Variants in APP observed in about 807,000 individuals in gnomAD.
The protein encoded by APP is amyloid beta precursor protein.
In APP, 31 loss-of-function variants were observed where a neutral mutation model predicts 101.4. The observed-to-expected ratio is 0.31, with a 90% CI of 0.23 to 0.41. The LOEUF (loss-of-function observed/expected upper bound fraction) is 0.41, where lower values mean the gene tolerates loss of function less well. APP is among the 10% of genes least tolerant of loss of function. APP has a pLI of 1.00. For missense variants in APP, 839 were observed against 1,003.7 expected, an observed-to-expected ratio of 0.84 and a Z score of 2.22; for synonymous variants, 366 against 364.4, an observed-to-expected ratio of 1.00 and a Z score of -0.05.
intron 3 of APP, among the ~76,000 whole-genome samples, chr21:26,057,134 T>G (rs2145979250): frequency 6.6e-6 from 1 of 152,324 alleles, no homozygotes; most frequent in Middle Eastern, 3.4e-3. Context: ...AAAAACAAAG[T>G]TTATTAATTT....
intron 11 of APP, among the ~76,000 whole-genome samples, chr21:25,973,981 G>A (rs67862623): frequency 0.23 from 33,944 of 145,556 alleles, 4,263 homozygotes; most frequent in East Asian, 0.43. Context: ...GTGGACATAA[G>A]TTACACACTC....
At chr21:25,928,204 A>G (rs568381038) in intron 13 of APP, among the ~76,000 whole-genome samples, 385 of 982 alleles carry the variant, frequency 0.39, 1 homozygote, top group Admixed American at 0.46. Flanking sequence ...TTAGCCGGGC[A>G]TGGTGCAGGC....
intron 2 of APP, among the ~76,000 whole-genome samples, chr21:26,105,034 T>C (rs2062148474): frequency 7.2e-6 from 1 of 138,474 alleles, no homozygotes; most frequent in Non-Finnish European, 1.5e-5. Context: ...AGTAGCTCTG[T>C]CAATGGTAAC....
Position 25,891,702 on chromosome 21 carries a change from A to C in APP, c.2211+20T>G. ...ATAGTCTTAATTCCCACTTGGAAACATGCAGTCAAGTTTACCTACCTCCAC... is the reference window on the plus strand; with the variant it reads ...ATAGTCTTAATTCCCACTTGGAAACCTGCAGTCAAGTTTACCTACCTCCAC... On this transcript the variant is annotated intron_variant, in intron 17 of 17. Transcript: ENST00000346798. 1 of 1,612,752 alleles carries C rather than the reference A, an allele frequency of 6.2e-7. No homozygotes were observed. The highest frequency in any genetic ancestry group is 8.5e-7 in the Non-Finnish European group (1 of 1,178,684).
chr21:25,984,845 T>C (rs2042578265), intron 8 of APP, among the ~76,000 whole-genome samples: 1 of 152,200 alleles, frequency 6.6e-6, no homozygotes, highest in South Asian at 2.1e-4. Flanking sequence ...ATTTTATGTT[T>C]GAAACAAATG....
chr21:26,095,178 T>C (rs1324297779), intron 2 of APP, among the ~76,000 whole-genome samples: 1 of 152,106 alleles, frequency 6.6e-6, no homozygotes, highest in African/African-American at 2.4e-5. Context: ...AGGGTCATCC[T>C]ATGTTGCCCA....
At chr21:25,991,536 C>T (rs2042864965) in intron 8 of APP, among the ~76,000 whole-genome samples, 1 of 152,152 alleles carries the variant, frequency 6.6e-6, no homozygotes, top group African/African-American at 2.4e-5. Flanking sequence ...CATCACCACG[C>T]CCAGCTAGTT....
intron 1 of APP, among the ~76,000 whole-genome samples, chr21:26,144,759 A>C (rs467021): frequency 0.61 from 93,039 of 152,072 alleles, 31,062 homozygotes; most frequent in African/African-American, 0.89. Flanking sequence ...GAGAATTCCA[A>C]AGATAGCATT....
In APP at chr21:26,170,721, C is replaced by A. The variant is rs2063729531; in HGVS notation, c.-101G>T. 5 of 1,246,066 alleles carry A rather than the reference C, an allele frequency of 4.0e-6. No homozygotes were observed. Among genetic ancestry groups the A allele is most frequent in the East Asian group, 3.0e-5 (1 of 32,796 alleles). The allele number at this position is 1,246,066 out of a possible 1,614,324, so 77.2% of individuals were successfully genotyped here. ...CACCGCCGCCGTCTCCCGGGGCCCC[C>A]GCGCACGCTCCTCCGCGTGCTCTCG... On this transcript the variant is annotated 5_prime_UTR_variant, in exon 1 of 18. Transcript: ENST00000346798.
intron 6 of APP, among the ~76,000 whole-genome samples, chr21:26,019,550 A>C (rs2044243739): frequency 6.6e-6 from 1 of 152,206 alleles, no homozygotes; most frequent in Non-Finnish European, 1.5e-5. Context: ...ATTTCCTAAG[A>C]GATTTTAACA....
Position 25,911,760 on chromosome 21 carries a change from T to G in APP, c.1890A>C (p.Pro630=). 6.2e-7 allele frequency: 1 copy of G among 1,614,140 alleles called. No homozygotes were observed. ...TCTTACCTTCGTTTTCTGTGTTGGC[T>G]GGCACAGAGTCAGCCCCAAAAGAAT... ...PWHSFGADSV[P]ANTENEVEPV... The change falls in exon 14 of 18, where the codon CCA becomes CCC. Residue 630 remains proline (P), a synonymous_variant. Transcript: ENST00000346798.
intron 6 of APP, among the ~76,000 whole-genome samples, chr21:26,003,199 C>A (rs1434611097): frequency 3.3e-5 from 5 of 152,224 alleles, no homozygotes; most frequent in Non-Finnish European, 7.3e-5. Flanking sequence ...GAGCCCTAAT[C>A]AACTAGAACA....
At chr21:25,894,930 T>C (rs1731518088) in intron 16 of APP, among the ~76,000 whole-genome samples, 1 of 152,172 alleles carries the variant, frequency 6.6e-6, no homozygotes, top group East Asian at 1.9e-4. Flanking sequence ...TGTCTTATTT[T>C]AGGAAATTGC....
chr21:26,089,807 C>T (rs975473106), intron 3 of APP, 136 bp downstream of exon 3: 25 of 1,374,692 alleles, frequency 1.8e-5, no homozygotes, highest in Non-Finnish European at 2.3e-5. Context: ...CTGCAAGAGT[C>T]CAAAACACAG....
chr21:26,014,299 T>C (rs1283139285), intron 6 of APP, among the ~76,000 whole-genome samples: 1 of 152,236 alleles, frequency 6.6e-6, no homozygotes, highest in Admixed American at 6.5e-5. Context: ...AATTATAGGA[T>C]ACCTTGTAAG....
chr21:25,914,546 C>A (rs1301303673), intron 13 of APP, among the ~76,000 whole-genome samples: 2 of 142,184 alleles, frequency 1.4e-5, no homozygotes, highest in African/African-American at 2.7e-5. Context: ...AGCCACAAGG[C>A]GCCTTTTTTT....
chr21:25,997,381 G>A lies in APP; in HGVS notation c.1069C>T (p.Leu357Phe), dbSNP rs1236812256. ...GTACGTTTAACAGGATCTCGGGCAA[G>A]AGGTTCCTGGGTAGTCTTGAGTAAA... ...QSLLKTTQEP[L>F]ARDPVKLPTT... The change falls in exon 8 of 18, where the codon CTT (leucine) becomes TTT (phenylalanine). Residue 357 changes from leucine (L) to phenylalanine (F), a missense_variant. Leu to Phe is a conservative substitution (Grantham distance 22). Transcript: ENST00000346798. The A allele has an allele frequency of 1.2e-6, 2 of 1,613,834 alleles. No individual in the cohort carries two copies. The highest frequency in any genetic ancestry group is 1.7e-6 in the Non-Finnish European group (2 of 1,179,856).
rs76062295 is a variant in APP, at chr21:25,976,259, C to T, written c.1225-231G>A. 5.9e-5 allele frequency among the ~76,000 whole-genome samples: 9 copies of T among 152,006 alleles called. No individual in the cohort carries two copies. The East Asian group carries it at 1.4e-3, about 23-fold the overall frequency. On this transcript the variant is annotated intron_variant, in intron 9 of 17. Transcript: ENST00000346798. ...GTTCATATTTATTGCAGGAATATAG[C>T]TTTTTGAGTCAAGGTTGGTCTTTTT...
intron 4 of APP, among the ~76,000 whole-genome samples, chr21:26,052,111 A>G (rs2045862107): frequency 6.6e-6 from 1 of 152,228 alleles, no homozygotes; most frequent in Non-Finnish European, 1.5e-5. Context: ...TAAGAGGCAT[A>G]AAATAATACT....
Sources: allele counts gnomAD v4.1 joint callset (sites outside exome capture counted in the v4.1 genomes callset), GRCh38; gene constraint gnomAD v4.1.1; transcripts MANE v1.5; gene names NCBI Gene and HGNC (gene_info 2026-07-23, HGNC 2026-07-21).